Variants in ATE1 observed in about 807,000 individuals in gnomAD.
ATE1 encodes the protein arginyltransferase 1, also known as arginyl-tRNA--protein transferase 1.
A neutral mutation model predicts 70.5 loss-of-function variants in ATE1; 36 were observed. The ratio of observed to expected loss-of-function variants is 0.51; its 90% CI spans 0.39 to 0.67. ATE1 has a LOEUF of 0.67. ATE1 is among the 30% of genes least tolerant of loss of function. The pLI, the probability that ATE1 is intolerant of heterozygous loss-of-function variation, is 0.00. For missense variants in ATE1, 593 were observed against 629.5 expected (o/e 0.94, Z 0.62); for synonymous variants, 232 against 219.3 (o/e 1.06, Z -0.51).
chr10:121,875,873 C>T (rs2134070014), intron 7 of ATE1, among the ~76,000 whole-genome samples: 1 of 152,298 alleles, frequency 6.6e-6, no homozygotes, highest in East Asian at 1.9e-4. Context: ...TCAAGTGTTT[C>T]CCAAAGTTAC....
chr10:121,780,070 C>G (rs1242313688), intron 11 of ATE1, among the ~76,000 whole-genome samples: 2 of 152,182 alleles, frequency 1.3e-5, no homozygotes, highest in Non-Finnish European at 2.9e-5. Flanking sequence ...TTAGGGCTGC[C>G]ACTCATGGAC....
chr10:121,878,613 G>GA (rs149539526), intron 7 of ATE1, among the ~76,000 whole-genome samples: 19,790 of 147,794 alleles, frequency 0.13, 1,495 homozygotes, highest in East Asian at 0.19. Context: ...GAAAAGAAAA[G>GA]AAAAAAAAAT....
intron 11 of ATE1, among the ~76,000 whole-genome samples, chr10:121,757,025 C>T (rs780542957): frequency 3.3e-5 from 5 of 152,156 alleles, no homozygotes; most frequent in East Asian, 1.9e-4. Context: ...GCTCTGCTTC[C>T]GTTATAAAAC....
intron 7 of ATE1, among the ~76,000 whole-genome samples, chr10:121,872,677 T>G (rs1053936552): frequency 4.6e-5 from 7 of 152,032 alleles, no homozygotes; most frequent in Non-Finnish European, 4.4e-5. Context: ...CAGAAATAGA[T>G]TCCTTAACAA....
intron 8 of ATE1, among the ~76,000 whole-genome samples, chr10:121,859,888 G>T (rs1321016440): frequency 6.6e-6 from 1 of 152,148 alleles, no homozygotes; most frequent in East Asian, 1.9e-4. Context: ...GTTGCAGCGA[G>T]CAAGATCGTG....
intron 11 of ATE1, among the ~76,000 whole-genome samples, chr10:121,752,195 TC>T (rs1944612428): frequency 8.3e-6 from 1 of 120,646 alleles, no homozygotes; most frequent in African/African-American, 3.1e-5. Flanking sequence ...AGACTCTGTC[TC>T]AAAAAAAAAA....
intron 7 of ATE1, among the ~76,000 whole-genome samples, chr10:121,893,911 G>C (rs1950670134): frequency 6.6e-6 from 1 of 152,180 alleles, no homozygotes; most frequent in African/African-American, 2.4e-5. Flanking sequence ...GCCGAGGCAG[G>C]CGGATCACCT....
At chr10:121,757,514 C>CA (rs1053531635) in intron 11 of ATE1, among the ~76,000 whole-genome samples, 1 of 151,954 alleles carries the variant, frequency 6.6e-6, no homozygotes, top group Admixed American at 6.6e-5. Context: ...GGGCAATTTA[C>CA]AAAAAAAGAG....
intron 10 of ATE1, among the ~76,000 whole-genome samples, chr10:121,829,510 C>A (rs1948153469): frequency 6.6e-6 from 1 of 151,358 alleles, no homozygotes; most frequent in Admixed American, 6.6e-5. Context: ...GAGTTCAAGA[C>A]CAGCCTGGCC....
intron 7 of ATE1, among the ~76,000 whole-genome samples, chr10:121,880,806 T>G (rs1950203021): frequency 6.6e-6 from 1 of 152,142 alleles, no homozygotes; most frequent in Non-Finnish European, 1.5e-5. Context: ...ATACAAACTT[T>G]CCTTGTTTAG....
chr10:121,856,287 T>C (rs1949247470), intron 8 of ATE1, among the ~76,000 whole-genome samples: 1 of 152,020 alleles, frequency 6.6e-6, no homozygotes, highest in Non-Finnish European at 1.5e-5. Context: ...CCCAGCACTT[T>C]GGGAGGCCAA....
At chr10:121,821,638 T>C (rs1270524604) in intron 10 of ATE1, among the ~76,000 whole-genome samples, 1 of 152,178 alleles carries the variant, frequency 6.6e-6, no homozygotes, top group Non-Finnish European at 1.5e-5. Flanking sequence ...CCCAGCACTT[T>C]AGGAGGCTGA....
At chr10:121,861,590 T>C (rs1386575939) in intron 8 of ATE1, among the ~76,000 whole-genome samples, 1 of 76,968 alleles carries the variant, frequency 1.3e-5, no homozygotes, top group Non-Finnish European at 2.5e-5. Context: ...TGGGGACTGT[T>C]GTGGGGTGGC....
intron 11 of ATE1, among the ~76,000 whole-genome samples, chr10:121,753,549 G>C (rs567282171): frequency 1.4e-4 from 22 of 152,100 alleles, no homozygotes; most frequent in Non-Finnish European, 3.1e-4. Context: ...CAGAAAGAAT[G>C]CAAAAATCAG....
At chr10:121,885,577 A>AAG in intron 7 of ATE1, among the ~76,000 whole-genome samples, 1 of 150,996 alleles carries the variant, frequency 6.6e-6, no homozygotes, top group East Asian at 1.9e-4. Context: ...CAAAAAAAAA[A>AAG]AAAAAAAAAC....
Position 121,894,475 on chromosome 10 carries a change from C to T in ATE1, c.942+5391G>A, listed in dbSNP as rs528176511. 2.2e-3 allele frequency among the ~76,000 whole-genome samples: 340 copies of T among 152,208 alleles called. 1 individual carries two copies. The highest frequency in any genetic ancestry group is 7.9e-3 in the African/African-American group (329 of 41,524). On this transcript the variant is annotated intron_variant, in intron 7 of 11. Coordinates refer to ENST00000224652, the MANE Select transcript of ATE1 (RefSeq NM_001001976.3). ...TAAGAGCAGACAAAATAGATTTGCACCAGGAAATGTTCCTAGGGATATAGA... is the reference window on the plus strand; with the variant it reads ...TAAGAGCAGACAAAATAGATTTGCATCAGGAAATGTTCCTAGGGATATAGA...
intron 11 of ATE1, among the ~76,000 whole-genome samples, chr10:121,783,786 C>T (rs1284486200): frequency 6.6e-6 from 1 of 152,046 alleles, no homozygotes; most frequent in African/African-American, 2.4e-5. Context: ...TAAAGCATCA[C>T]GATATTTTTG....
intron 10 of ATE1, among the ~76,000 whole-genome samples, chr10:121,829,460 C>T (rs1948151206): frequency 1.4e-5 from 2 of 142,272 alleles, no homozygotes; most frequent in Admixed American, 1.4e-4. Context: ...AAAAAAAAAT[C>T]GCTCCTGGCA....
intron 11 of ATE1, among the ~76,000 whole-genome samples, chr10:121,783,896 T>C (rs977534565): frequency 2.2e-4 from 34 of 152,182 alleles, no homozygotes; most frequent in African/African-American, 7.7e-4. Flanking sequence ...TTTTTTTTTT[T>C]CGGTTTTGAG....
Sources: allele counts gnomAD v4.1 joint callset (sites outside exome capture counted in the v4.1 genomes callset), GRCh38; gene constraint gnomAD v4.1.1; transcripts MANE v1.5; gene names NCBI Gene and HGNC (gene_info 2026-07-23, HGNC 2026-07-21).